PACRG: variants seen among roughly 807,000 people sequenced by gnomAD.
The protein encoded by PACRG is parkin coregulated, also known as parkin coregulated gene protein.
Under a neutral mutation model 29.7 loss-of-function variants are expected in PACRG, and 29 were observed. The ratio of observed to expected loss-of-function variants is 0.98; its 90% CI spans 0.73 to 1.33. PACRG has a LOEUF of 1.33. Among genes scored for constraint, PACRG ranks in the 40% most tolerant of loss-of-function variants. PACRG has a pLI of 0.00. For missense variants in PACRG, 279 were observed against 316.2 expected (o/e 0.88, Z 0.89); for synonymous variants, 116 against 118.7 (o/e 0.98, Z 0.15).
chr6:162,928,174 T>C (rs781188890), intron 2 of PACRG, among the ~76,000 whole-genome samples: 1 of 152,068 alleles, frequency 6.6e-6, no homozygotes, highest in Admixed American at 6.6e-5. Flanking sequence ...GACTTTTTAT[T>C]ATGGCTTCAA....
chr6:163,290,271 C>CGT (rs1562361517), intron 4 of PACRG, among the ~76,000 whole-genome samples: 5 of 100,220 alleles, frequency 5.0e-5, no homozygotes, highest in South Asian at 3.4e-4. Context: ...CATGCACGCG[C>CGT]GCGCGCGCAC....
At chr6:163,187,124 T>G (rs182238285) in intron 4 of PACRG, among the ~76,000 whole-genome samples, 2 of 152,312 alleles carry the variant, frequency 1.3e-5, no homozygotes, top group Admixed American at 1.3e-4. Context: ...CAAAGTCTGT[T>G]TTCCTCTGAA....
intron 3 of PACRG, among the ~76,000 whole-genome samples, chr6:163,078,856 G>A (rs986544346): frequency 7.2e-5 from 11 of 152,160 alleles, no homozygotes; most frequent in African/African-American, 1.9e-4. Context: ...GACACAGCAG[G>A]TGTCTCGAAT....
intron 3 of PACRG, among the ~76,000 whole-genome samples, chr6:163,064,379 G>A (rs112726406): frequency 3.3e-5 from 5 of 152,132 alleles, no homozygotes; most frequent in South Asian, 4.1e-4. Context: ...GAGCGAAAAC[G>A]TTATCAAGAA....
intron 2 of PACRG, among the ~76,000 whole-genome samples, chr6:162,914,533 T>C (rs1345415037): frequency 1.5e-5 from 2 of 130,056 alleles, no homozygotes; most frequent in Non-Finnish European, 3.4e-5. Flanking sequence ...TTTTTTTTAG[T>C]TGTTTGGGCT....
intron 2 of PACRG, among the ~76,000 whole-genome samples, chr6:162,955,056 T>C (rs1318765314): frequency 6.6e-6 from 1 of 152,170 alleles, no homozygotes; most frequent in Non-Finnish European, 1.5e-5. Flanking sequence ...CCCTGTTTCA[T>C]GTTAACGTAC....
intron 4 of PACRG, among the ~76,000 whole-genome samples, chr6:163,247,788 C>G (rs1165167558): frequency 6.6e-6 from 1 of 152,176 alleles, no homozygotes; most frequent in Non-Finnish European, 1.5e-5. Flanking sequence ...CCCATCTCAT[C>G]AGTAAACAAG....
chr6:163,072,347 G>A (rs1812142255), intron 3 of PACRG, among the ~76,000 whole-genome samples: 1 of 151,824 alleles, frequency 6.6e-6, no homozygotes, highest in African/African-American at 2.4e-5. Flanking sequence ...TATGAATGAA[G>A]GACAAAAAGC....
chr6:162,923,476 T>G (rs1215926852), intron 2 of PACRG, among the ~76,000 whole-genome samples: 1 of 152,192 alleles, frequency 6.6e-6, no homozygotes, highest in East Asian at 1.9e-4. Flanking sequence ...TTCTAGTAGT[T>G]TTATAGTTTC....
intron 1 of PACRG, among the ~76,000 whole-genome samples, chr6:162,730,802 T>C (rs1446616489): frequency 6.6e-6 from 1 of 152,218 alleles, no homozygotes; most frequent in East Asian, 1.9e-4. Context: ...TGAAATAATA[T>C]TCAAATTCAC....
At chr6:162,908,921 C>G (rs1465143596) in intron 2 of PACRG, among the ~76,000 whole-genome samples, 2 of 152,186 alleles carry the variant, frequency 1.3e-5, no homozygotes, top group Non-Finnish European at 2.9e-5. Flanking sequence ...CATGTCTCTG[C>G]TCTTCTCAGG....
intron 4 of PACRG, among the ~76,000 whole-genome samples, chr6:163,169,402 C>T (rs1484344952): frequency 6.6e-6 from 1 of 152,074 alleles, no homozygotes; most frequent in African/African-American, 2.4e-5. Flanking sequence ...TCTGATTTTC[C>T]AAAGGAAGTC....
rs1437947977 is a variant in PACRG at position 162,918,406 on chromosome 6, C to T, written c.291+104125C>T. Among the ~76,000 whole-genome samples, 11 of 152,254 alleles carry T rather than the reference C, an allele frequency of 7.2e-5. No homozygotes were observed. In the Middle Eastern group the frequency reaches 0.01, roughly 141 times the overall value. On this transcript the variant is annotated intron_variant, in intron 2 of 4. Transcript: ENST00000366888. The stretch of plus-strand genomic sequence containing the variant: ...AAATACTTCTGAAATTTTATGTTCT[C>T]ATCAATTTTAAGGACGAGACATGAA...
chr6:162,901,907 T>A (rs956712545), intron 2 of PACRG, among the ~76,000 whole-genome samples: 1 of 152,230 alleles, frequency 6.6e-6, no homozygotes, highest in Non-Finnish European at 1.5e-5. Context: ...TACAGTTCCT[T>A]CCAAGGTCAT....
rs544021871 is a variant in PACRG at position 163,035,867 on chromosome 6, C to T, written c.292-26283C>T. Among the ~76,000 whole-genome samples the T allele has an allele frequency of 4.6e-5, 7 of 151,618 alleles. No homozygotes were observed. In the South Asian group the frequency reaches 1.5e-3, roughly 32 times the overall value. On this transcript the variant is annotated intron_variant, in intron 2 of 4. Transcript: ENST00000366888. The stretch of plus-strand genomic sequence containing the variant: ...TGCCTTAACCGCCTGGGAATGCAGC[C>T]CAGTAGGTCTCAGCCTCATTTTACC...
intron 4 of PACRG, among the ~76,000 whole-genome samples, chr6:163,126,483 G>A (rs146658850): frequency 2.0e-5 from 3 of 152,068 alleles, no homozygotes; most frequent in East Asian, 3.9e-4. Context: ...ATTTATGAGG[G>A]CATTTACAAA....
At chr6:163,054,424 C>G (rs1562871179) in intron 2 of PACRG, among the ~76,000 whole-genome samples, 1 of 152,180 alleles carries the variant, frequency 6.6e-6, no homozygotes, top group Non-Finnish European at 1.5e-5. Flanking sequence ...CAACTTCCAG[C>G]CTCCAGAACT....
chr6:162,861,383 A>G (rs942363208), intron 2 of PACRG, among the ~76,000 whole-genome samples: 1 of 152,240 alleles, frequency 6.6e-6, no homozygotes, highest in African/African-American at 2.4e-5. Context: ...TGGGAATACA[A>G]TAAAATGTAG....
chr6:162,975,314 G>T (rs892460299), intron 2 of PACRG, among the ~76,000 whole-genome samples: 3 of 152,058 alleles, frequency 2.0e-5, no homozygotes, highest in African/African-American at 4.8e-5. Flanking sequence ...ATATAAACTG[G>T]CCCTGATATA....
Sources: gnomAD v4.1 joint callset for allele counts (sites outside exome capture counted in the v4.1 genomes callset) on GRCh38, gnomAD v4.1.1 for gene constraint, MANE v1.5 for transcripts, NCBI Gene and HGNC (gene_info 2026-07-23, HGNC 2026-07-21) for gene names.